The following FAM3C variants were observed in gnomAD, a reference collection of about 807,000 sequenced individuals.
The protein encoded by FAM3C is FAM3 metabolism regulating signaling molecule C.
FAM3C carries 15 observed loss-of-function variants against 32.5 expected under a neutral mutation model. The ratio of observed to expected loss-of-function variants is 0.46; its 90% CI spans 0.31 to 0.71. The LOEUF (loss-of-function observed/expected upper bound fraction) is 0.71. Among genes scored for constraint, FAM3C ranks in the 30% least tolerant of loss-of-function variants. FAM3C has a pLI of 0.05. For synonymous variants in FAM3C, 75 were observed against 86.1 expected (o/e 0.87, Z 0.72); for missense variants, 175 against 274.4 (o/e 0.64, Z 2.56).
At chr7:121,357,781 A>G (rs529043327) in intron 8 of FAM3C, among the ~76,000 whole-genome samples, 2 of 152,240 alleles carry the variant, frequency 1.3e-5, no homozygotes, top group South Asian at 4.2e-4. Flanking sequence ...GGTGCATTTA[A>G]TGGGCACCAA....
rs897520808 is a variant in FAM3C, at chr7:121,372,002, T to C, written c.148+108A>G. On this transcript the variant is annotated intron_variant, in intron 4 of 9. Coordinates refer to ENST00000359943, the MANE Select transcript of FAM3C (RefSeq NM_014888.3). ...CATCCTCATAACTTTAAAAAGCAATTTCTAAAGCAGTTTTTCCTCATACTG... is the reference window on the plus strand; with the variant it reads ...CATCCTCATAACTTTAAAAAGCAATCTCTAAAGCAGTTTTTCCTCATACTG... The C allele has an allele frequency of 2.3e-5, 18 of 766,956 alleles. No individual in the cohort carries two copies. In the African/African-American group the frequency reaches 3.2e-4, roughly 14 times the overall value. 47.5% of individuals were successfully genotyped at this position (766,956 alleles called of 1,614,324 possible). A position where few individuals can be genotyped will look rare whatever the true frequency, so the allele number is the denominator to read the frequency against.
chr7:121,389,500 T>A (rs1794534717), intron 1 of FAM3C, among the ~76,000 whole-genome samples: 1 of 152,158 alleles, frequency 6.6e-6, no homozygotes, highest in Admixed American at 6.5e-5. Flanking sequence ...GTGGGGTTGC[T>A]CTTCACTGAA....
intron 7 of FAM3C, among the ~76,000 whole-genome samples, chr7:121,361,585 A>C (rs1352307475): frequency 6.6e-6 from 1 of 152,244 alleles, no homozygotes; most frequent in Non-Finnish European, 1.5e-5. Flanking sequence ...ATGCCTTTAG[A>C]ATCTAAAATT....
At chr7:121,374,927 T>G (rs182557289) in intron 3 of FAM3C, among the ~76,000 whole-genome samples, 103 of 152,300 alleles carry the variant, frequency 6.8e-4, no homozygotes, top group African/African-American at 2.3e-3. Context: ...ACTTTGGAAA[T>G]ACTCTTCCTT....
In FAM3C at chr7:121,349,485, T is replaced by G. The variant is rs1793653710; in HGVS notation, c.*976A>C. ...CAGTCCGCCCAGTAATAAGAACTTT[T>G]GTAAATATGCCACTATAGCTTCGGG... is the stretch of plus-strand genomic sequence containing the variant. On this transcript the variant is annotated 3_prime_UTR_variant, in exon 10 of 10. Transcript: ENST00000359943. 6.6e-6 allele frequency: 1 copy of G among 152,312 alleles called. No individual in the cohort carries two copies. The highest frequency in any genetic ancestry group is 1.9e-4 in the East Asian group (1 of 5,192). The allele number at this position is 152,312 out of a possible 1,614,324, so 9.4% of individuals were successfully genotyped here. A position where few individuals can be genotyped will look rare whatever the true frequency, so the allele number is the denominator to read the frequency against.
chr7:121,378,994 C>T lies in FAM3C; in HGVS notation c.34G>A (p.Ala12Thr). 1.3e-6 allele frequency: 2 copies of T among 1,571,022 alleles called. No homozygotes were observed. The highest frequency in any genetic ancestry group is 1.7e-6 in the Non-Finnish European group (2 of 1,161,744). Residue 12 changes from alanine to threonine, a missense_variant, in exon 3 of 10, where the codon GCT becomes ACT. Transcript: ENST00000359943. ...AATGTCAGTAAAAACACTGCCACAG[C>T]TACCACCAACTTTGCAGCACCTAAA... ...RVAGAAKLVV[A>T]VAVFLLTFYV...
intron 1 of FAM3C, among the ~76,000 whole-genome samples, chr7:121,383,507 A>G (rs12706338): frequency 0.16 from 25,050 of 152,178 alleles, 2,173 homozygotes; most frequent in South Asian, 0.21. Flanking sequence ...AAGCATTTAC[A>G]GCAAGGGCTT....
intron 3 of FAM3C, among the ~76,000 whole-genome samples, chr7:121,373,510 C>T (rs1383453201): frequency 6.6e-6 from 1 of 152,182 alleles, no homozygotes; most frequent in East Asian, 1.9e-4. Context: ...CTGATAGCTT[C>T]AATGCTTAAT....
rs201846420 is a variant in FAM3C at position 121,379,053 on chromosome 7, C to T, written c.14-39G>A. Reference sequence around the variant, plus strand: ...GTATTTCAGCATAACTTTGTAAGCCCACAGAACTTTTATTTTGCATTTCTA... The same window carrying T: ...GTATTTCAGCATAACTTTGTAAGCCTACAGAACTTTTATTTTGCATTTCTA... On this transcript the variant is annotated intron_variant, in intron 2 of 9. Transcript: ENST00000359943. 2.9e-5 allele frequency: 32 copies of T among 1,110,000 alleles called. No individual in the cohort carries two copies. The Admixed American group carries it at 6.2e-4, about 21-fold the overall frequency. The allele number at this position is 1,110,000 out of a possible 1,614,324, so 68.8% of individuals were successfully genotyped here.
Position 121,350,443 on chromosome 7 carries a change from A to G in FAM3C, c.*18T>C, listed in dbSNP as rs767435779. ...TAAGAGTGAAAGTGCGCTTTCTTCA[A>G]TTCTCTCCACATTTCCATTAGTCTT... On this transcript the variant is annotated 3_prime_UTR_variant, in exon 10 of 10. Transcript: ENST00000359943. 8 of 1,610,674 alleles carry G rather than the reference A, an allele frequency of 5.0e-6. 1 individual carries two copies. In the South Asian group the frequency reaches 8.8e-5, roughly 18 times the overall value.
At chr7:121,382,790 G>A (rs918639104) in intron 2 of FAM3C, among the ~76,000 whole-genome samples, 167 bp downstream of exon 2, 67 of 151,874 alleles carry the variant, frequency 4.4e-4, no homozygotes, top group African/African-American at 1.6e-3. Context: ...CTGACTAAAT[G>A]TCCAATTTGT....
intron 5 of FAM3C, among the ~76,000 whole-genome samples, chr7:121,364,733 T>C (rs563286291): frequency 4.6e-5 from 7 of 152,244 alleles, no homozygotes; most frequent in Admixed American, 3.9e-4. Flanking sequence ...AATCACTGCA[T>C]TGAATGACAG....
At chr7:121,364,318 T>C in intron 5 of FAM3C, 130 bp from the exon 6 acceptor site, 1 of 632,226 alleles carries the variant, frequency 1.6e-6, no homozygotes, top group South Asian at 2.1e-5. Flanking sequence ...GCGGAGGAAA[T>C]TAAAAAGATC....
chr7:121,373,886 G>A (rs1311230373), intron 3 of FAM3C, among the ~76,000 whole-genome samples: 1 of 151,630 alleles, frequency 6.6e-6, no homozygotes, highest in Non-Finnish European at 1.5e-5. Flanking sequence ...AAATTAGCCG[G>A]GCGTGGTGGT....
chr7:121,360,889 A>G (rs1005402687), intron 7 of FAM3C, among the ~76,000 whole-genome samples: 1 of 152,150 alleles, frequency 6.6e-6, no homozygotes, highest in Non-Finnish European at 1.5e-5. Context: ...CAATGTTTGT[A>G]TGGGTACTTT....
chr7:121,375,360 G>T (rs935730839), intron 3 of FAM3C, among the ~76,000 whole-genome samples: 9 of 152,180 alleles, frequency 5.9e-5, no homozygotes, highest in Non-Finnish European at 1.2e-4. Context: ...ACTGTGTGCA[G>T]ACTGGCACAA....
intron 1 of FAM3C, among the ~76,000 whole-genome samples, chr7:121,384,305 T>C (rs1794421801): frequency 6.6e-6 from 1 of 152,022 alleles, no homozygotes; most frequent in African/African-American, 2.4e-5. Flanking sequence ...GCTAGGAAAA[T>C]ACTAAAAGGA....
At chr7:121,388,837 C>A (rs1462162899) in intron 1 of FAM3C, among the ~76,000 whole-genome samples, 1 of 151,972 alleles carries the variant, frequency 6.6e-6, no homozygotes, top group East Asian at 1.9e-4. Flanking sequence ...TTAAATTTCC[C>A]CTAGAATGTT....
chr7:121,352,427 GC>G (rs77946734), intron 8 of FAM3C, among the ~76,000 whole-genome samples: 5,328 of 152,236 alleles, frequency 0.035, 186 homozygotes, highest in South Asian at 0.14. Flanking sequence ...TTTGGCCACA[GC>G]CTGGGCACTG....
Sources: allele counts gnomAD v4.1 joint callset (sites outside exome capture counted in the v4.1 genomes callset), GRCh38; gene constraint gnomAD v4.1.1; transcripts MANE v1.5; gene names NCBI Gene and HGNC (gene_info 2026-07-23, HGNC 2026-07-21).